Variants in CORIN observed in about 807,000 individuals in gnomAD.
CORIN encodes atrial natriuretic peptide-converting enzyme.
A neutral mutation model predicts 125.3 loss-of-function variants in CORIN; 117 were observed. The observed-to-expected ratio is 0.93, with a 90% CI of 0.80 to 1.09. CORIN has a LOEUF of 1.09. Ranked by LOEUF, CORIN falls within the 50% of genes least tolerant of loss-of-function variation. CORIN has a pLI of 0.00. For missense variants in CORIN, 1,253 were observed against 1,306.7 expected, an observed-to-expected ratio of 0.96 and a Z score of 0.63; for synonymous variants, 450 against 466.4, an observed-to-expected ratio of 0.96 and a Z score of 0.45.
chr4:47,715,592 C>A (rs1335008287), intron 5 of CORIN, among the ~76,000 whole-genome samples: 2 of 151,592 alleles, frequency 1.3e-5, no homozygotes, highest in South Asian at 4.2e-4. Context: ...GAGCAAGACT[C>A]TGTCTCCAAA....
intron 16 of CORIN, among the ~76,000 whole-genome samples, chr4:47,637,740 G>T: frequency 6.6e-6 from 1 of 152,236 alleles, no homozygotes; most frequent in Non-Finnish European, 1.5e-5. Context: ...GAAGTTTGCT[G>T]CAGGGGTGGG....
intron 5 of CORIN, among the ~76,000 whole-genome samples, chr4:47,729,864 GAAGA>G (rs895128654): frequency 6.6e-6 from 1 of 152,206 alleles, no homozygotes; most frequent in Non-Finnish European, 1.5e-5. Flanking sequence ...GAGAAAGAGA[GAAGA>G]GAGAGGTTCG....
At chr4:47,822,151 T>C (rs1001440063) in intron 1 of CORIN, among the ~76,000 whole-genome samples, 11 of 152,234 alleles carry the variant, frequency 7.2e-5, no homozygotes, top group African/African-American at 2.7e-4. Context: ...CCTGAAATTA[T>C]TAAACAAAAT....
chr4:47,767,410 G>T (rs1270098495), intron 3 of CORIN, among the ~76,000 whole-genome samples: 1 of 151,994 alleles, frequency 6.6e-6, no homozygotes, highest in Non-Finnish European at 1.5e-5. Context: ...ATTACACAAT[G>T]GTCTGAAAAC....
chr4:47,750,102 C>G (rs1228759868), intron 4 of CORIN, among the ~76,000 whole-genome samples: 1 of 152,096 alleles, frequency 6.6e-6, no homozygotes, highest in Admixed American at 6.6e-5. Context: ...TACTGGAAAA[C>G]CCAAATAACA....
intron 3 of CORIN, among the ~76,000 whole-genome samples, chr4:47,781,999 A>G (rs73150670): frequency 1.4e-3 from 216 of 152,208 alleles, no homozygotes; most frequent in African/African-American, 4.9e-3. Flanking sequence ...TTATATTAAT[A>G]AAAGGTTCAA....
At chr4:47,699,583 A>G (rs1483464877) in intron 5 of CORIN, among the ~76,000 whole-genome samples, 1 of 152,238 alleles carries the variant, frequency 6.6e-6, no homozygotes, top group African/African-American at 2.4e-5. Context: ...GAACTGACAC[A>G]TTATACGTGC....
intron 5 of CORIN, among the ~76,000 whole-genome samples, chr4:47,698,541 G>A (rs1726141594): frequency 6.6e-6 from 1 of 152,020 alleles, no homozygotes; most frequent in Non-Finnish European, 1.5e-5. Context: ...GCAGGCCTTT[G>A]TAAGGACTTT....
In CORIN at chr4:47,702,060, G is replaced by T. The variant is rs535410758; in HGVS notation, c.800-8977C>A. On this transcript the variant is annotated intron_variant, in intron 5 of 21. Coordinates refer to ENST00000273857, the MANE Select transcript of CORIN (RefSeq NM_006587.4). ...AATTCAAAGATAATTTCTCATTTAG[G>T]TTTCTTGGGAGGTGCTACCTTCCGA... Among the ~76,000 whole-genome samples, 71 of 152,216 alleles carry T rather than the reference G, an allele frequency of 4.7e-4. 1 individual carries two copies. The South Asian group carries it at 0.012, about 26-fold the overall frequency.
chr4:47,599,234 G>A (rs1158985881), intron 21 of CORIN, among the ~76,000 whole-genome samples: 3 of 152,172 alleles, frequency 2.0e-5, no homozygotes, highest in Non-Finnish European at 4.4e-5. Context: ...GAAGCAGAAA[G>A]GAGGGTGGTC....
chr4:47,660,277 CA>C (rs1230751101), intron 12 of CORIN, among the ~76,000 whole-genome samples: 1 of 152,072 alleles, frequency 6.6e-6, no homozygotes, highest in Non-Finnish European at 1.5e-5. Flanking sequence ...CTGGACTGCA[CA>C]AAGATTTCTT....
chr4:47,757,990 T>G (rs965844656), intron 4 of CORIN, among the ~76,000 whole-genome samples: 3 of 151,090 alleles, frequency 2.0e-5, no homozygotes, highest in Non-Finnish European at 4.4e-5. Context: ...CTCAGCTCAC[T>G]GCAAGCTCCA....
chr4:47,735,930 G>T (rs1728111875), intron 5 of CORIN, among the ~76,000 whole-genome samples: 1 of 124,232 alleles, frequency 8.0e-6, no homozygotes, highest in East Asian at 2.5e-4. Flanking sequence ...CTGGGCGACA[G>T]AGACTCCATC....
intron 1 of CORIN, among the ~76,000 whole-genome samples, chr4:47,836,035 G>A (rs559405073): frequency 6.6e-6 from 1 of 152,106 alleles, no homozygotes; most frequent in South Asian, 2.1e-4. Context: ...GAATCTTGGG[G>A]TTTTGAGGTT....
chr4:47,827,942 G>C lies in CORIN; in HGVS notation c.63+9945C>G, dbSNP rs73814829. Among the ~76,000 whole-genome samples, 1,267 of 152,306 alleles carry C rather than the reference G, an allele frequency of 8.3e-3. 22 individuals carry two copies. Among genetic ancestry groups the C allele is most frequent in the African/African-American group, 0.03 (1,230 of 41,554 alleles). On this transcript the variant is annotated intron_variant, in intron 1 of 21. Coordinates refer to ENST00000273857, the MANE Select transcript of CORIN (RefSeq NM_006587.4). ...TGTTCGGATCTGACCTCTAGCCAGA[G>C]TAGATACCCTCAGAGAAACCAGAGC...
At chr4:47,744,733 T>C (rs924546747) in intron 4 of CORIN, 150 bp from the exon 5 acceptor site, 2 of 643,260 alleles carry the variant, frequency 3.1e-6, no homozygotes, top group Non-Finnish European at 4.9e-6. Context: ...CATTCAGTCC[T>C]ATGACAGTGA....
chr4:47,819,153 C>A (rs1732397249), intron 1 of CORIN, among the ~76,000 whole-genome samples: 1 of 152,000 alleles, frequency 6.6e-6, no homozygotes, highest in South Asian at 2.1e-4. Context: ...TGAGTCCAAG[C>A]CTAGGTTAGA....
intron 19 of CORIN, among the ~76,000 whole-genome samples, chr4:47,618,436 A>G (rs563700509): frequency 5.6e-4 from 85 of 152,178 alleles, no homozygotes; most frequent in African/African-American, 1.9e-3. Flanking sequence ...GTGTGTTGGA[A>G]AAATCTAGGG....
intron 3 of CORIN, among the ~76,000 whole-genome samples, chr4:47,779,592 T>C (rs916622214): frequency 1.3e-5 from 2 of 151,994 alleles, no homozygotes; most frequent in Admixed American, 6.6e-5. Context: ...TTTGCCACCA[T>C]GCCTGGATAA....
Sources: gnomAD v4.1 joint callset for allele counts (sites outside exome capture counted in the v4.1 genomes callset) on GRCh38, gnomAD v4.1.1 for gene constraint, MANE v1.5 for transcripts, NCBI Gene and HGNC (gene_info 2026-07-23, HGNC 2026-07-21) for gene names.